LATS2: variants seen among roughly 807,000 people sequenced by gnomAD.
LATS2 encodes the protein large tumor suppressor kinase 2, also known as serine/threonine-protein kinase LATS2.
In LATS2, 24 loss-of-function variants were observed where a neutral mutation model predicts 76.0. That is an observed-to-expected ratio of 0.32 (90% CI 0.23 to 0.44). The LOEUF (loss-of-function observed/expected upper bound fraction) is 0.44. Among genes scored for constraint, LATS2 ranks in the 20% least tolerant of loss-of-function variants. The pLI is 1.00. For synonymous variants in LATS2, 692 were observed against 635.4 expected (o/e 1.09, Z -1.34); for missense variants, 1,286 against 1,481.2 (o/e 0.87, Z 2.16).
At chr13:21,032,989 G>T (rs1326664802) in intron 2 of LATS2, among the ~76,000 whole-genome samples, 1 of 152,150 alleles carries the variant, frequency 6.6e-6, no homozygotes. Context: ...GTGGAGATCA[G>T]ATTGGAAGAG....
At position 21,023,300 on chromosome 13, in the gene LATS2, G is replaced by A. The variant is rs1377686199; in HGVS notation, c.342+22385C>T. Among the ~76,000 whole-genome samples, 5 of 151,002 alleles carry A rather than the reference G, an allele frequency of 3.3e-5. No individual in the cohort carries two copies. In the East Asian group the frequency reaches 7.8e-4, roughly 23 times the overall value. On this transcript the variant is annotated intron_variant, in intron 2 of 7. Transcript: ENST00000382592. ...CTTTTTAGAGATAGGGTCTCACTAC[G>A]TCCCATCCTCCTGCCTCAGTCTCCT... is the stretch of plus-strand genomic sequence containing the variant.
At chr13:21,004,901 G>A (rs144863654) in intron 2 of LATS2, among the ~76,000 whole-genome samples, 3 of 152,308 alleles carry the variant, frequency 2.0e-5, no homozygotes, top group Non-Finnish European at 4.4e-5. Flanking sequence ...AAAATCCACA[G>A]GGGGAGTCAT....
At chr13:21,027,658 T>A (rs1434547318) in intron 2 of LATS2, among the ~76,000 whole-genome samples, 2 of 152,182 alleles carry the variant, frequency 1.3e-5, no homozygotes, top group Non-Finnish European at 2.9e-5. Context: ...TGGTCCAAAG[T>A]CAGGTCTAGC....
intron 2 of LATS2, among the ~76,000 whole-genome samples, chr13:21,023,448 T>C (rs948772663): frequency 6.6e-6 from 1 of 151,488 alleles, no homozygotes; most frequent in African/African-American, 2.4e-5. Context: ...GTGGGTAGAA[T>C]AGAACCCAAC....
At chr13:21,015,934 G>A (rs1215354110) in intron 2 of LATS2, among the ~76,000 whole-genome samples, 3 of 151,528 alleles carry the variant, frequency 2.0e-5, no homozygotes, top group Non-Finnish European at 4.4e-5. Context: ...CCTGACCTCA[G>A]GTGATTTGCC....
chr13:21,050,984 G>A (rs746402291), intron 1 of LATS2, among the ~76,000 whole-genome samples: 3 of 152,338 alleles, frequency 2.0e-5, no homozygotes, highest in African/African-American at 4.8e-5. Context: ...AGGCGTGAAC[G>A]GGACCTCTGA....
In LATS2 at chr13:21,045,755, G is replaced by C. The variant is rs55842804; in HGVS notation, c.272C>G (p.Ser91Trp). The stretch of plus-strand genomic sequence containing the variant: ...CACTTCTGCAGCTGCAGAGGTGCCC[G>C]ATTCATTAGCAAAAGGCAACAAGGA... ...RYSLLPFANE[S>W]GTSAAAEVNR... Residue 91 changes from serine (S) to tryptophan (W), a missense_variant, in exon 2 of 8, where the codon TCG becomes TGG. Coordinates refer to ENST00000382592, the MANE Select transcript of LATS2 (RefSeq NM_014572.3). 20 of 1,614,190 alleles carry C rather than the reference G, an allele frequency of 1.2e-5. No homozygotes were observed. Among genetic ancestry groups the C allele is most frequent in the Non-Finnish European group, 1.7e-5 (20 of 1,180,024 alleles).
At chr13:21,039,848 T>A (rs1872805584) in intron 2 of LATS2, among the ~76,000 whole-genome samples, 1 of 151,996 alleles carries the variant, frequency 6.6e-6, no homozygotes, top group Non-Finnish European at 1.5e-5. Context: ...TGAGGGTGAG[T>A]GGATCCCCTG....
intron 2 of LATS2, among the ~76,000 whole-genome samples, chr13:21,036,252 A>G (rs1284474045): frequency 6.6e-6 from 1 of 151,296 alleles, no homozygotes; most frequent in Non-Finnish European, 1.5e-5. Context: ...GGCTATTATC[A>G]AACTCCTGAC....
intron 4 of LATS2, 146 bp downstream of exon 4, chr13:20,987,735 G>T (rs1870222008): frequency 2.3e-6 from 2 of 870,116 alleles, no homozygotes; most frequent in Admixed American, 2.9e-5. Context: ...TCTCCAAGTT[G>T]TTGGCCCCAG....
rs188211677 is a variant in LATS2, at chr13:21,029,956, T to C, written c.342+15729A>G. On this transcript the variant is annotated intron_variant, in intron 2 of 7. Transcript: ENST00000382592. ...CTGGCCAACATGGTGAAACCCTGTCTCTACTAAAAATACAAAACTTAGCAG... is the reference window on the plus strand; with the variant it reads ...CTGGCCAACATGGTGAAACCCTGTCCCTACTAAAAATACAAAACTTAGCAG... Among the ~76,000 whole-genome samples the C allele has an allele frequency of 4.1e-3, 625 of 151,484 alleles. 4 individuals carry two copies. The highest frequency in any genetic ancestry group is 0.027 in the Middle Eastern group (8 of 292).
At position 20,974,299 on chromosome 13, in the gene LATS2, A is replaced by G. The variant is rs1211609005; in HGVS notation, c.*571T>C. 2 of 224,918 alleles carry G rather than the reference A, an allele frequency of 8.9e-6. No homozygotes were observed. The highest frequency in any genetic ancestry group is 8.8e-6 in the Non-Finnish European group (1 of 113,128). The allele number at this position is 224,918 out of a possible 1,614,324, so 13.9% of individuals were successfully genotyped here. ...CTTCCTATTATACTAGATATGCAAA[A>G]AGCCAAAAAAAGCAGCTTTTAACAT... On this transcript the variant is annotated 3_prime_UTR_variant, in exon 8 of 8. Transcript: ENST00000382592.
In LATS2 at chr13:21,046,202, A is replaced by T. The variant is rs571866248; in HGVS notation, c.-176T>A. 3 of 506,708 alleles carry T rather than the reference A, an allele frequency of 5.9e-6. No individual in the cohort carries two copies. Among genetic ancestry groups the T allele is most frequent in the African/African-American group, 5.7e-5 (3 of 52,436 alleles). The allele number at this position is 506,708 out of a possible 1,614,324, so 31.4% of individuals were successfully genotyped here. Reference sequence around the variant, plus strand: ...TCCTATAGAGAACCTAAAATTTTCCAAAGTCTTCATTTTGAAGATTATCAC... The same window carrying T: ...TCCTATAGAGAACCTAAAATTTTCCTAAGTCTTCATTTTGAAGATTATCAC... On this transcript the variant is annotated 5_prime_UTR_variant, in exon 2 of 8. It introduces an in-frame stop codon into an upstream open reading frame of the 5' UTR. Coordinates refer to ENST00000382592, the MANE Select transcript of LATS2 (RefSeq NM_014572.3).
rs1408761768 is a variant in LATS2, at chr13:21,061,568, T to C, written c.-427A>G. The C allele has an allele frequency of 2.0e-5, 3 of 152,624 alleles. No individual in the cohort carries two copies. The highest frequency in any genetic ancestry group is 1.3e-4 in the Admixed American group (2 of 15,280). The allele number at this position is 152,624 out of a possible 1,614,324, so 9.5% of individuals were successfully genotyped here. A position where few individuals can be genotyped will look rare whatever the true frequency, so the allele number is the denominator to read the frequency against. On this transcript the variant is annotated 5_prime_UTR_variant, in exon 1 of 8. Transcript: ENST00000382592. ...CCCAAGTGGGACATTCGCTACATTG[T>C]TGGCATTCCACGGGCGTCACGTGAC...
rs1565951976 is a variant in LATS2, at chr13:21,007,587, A to ATATATAGT, written c.343-16184_343-16183insACTATATA. Reference sequence around the variant, plus strand: ...TATATATATATATATATATATATATAGTATATATATATATAGTGTGTATAT... The same window carrying ATATATAGT: ...TATATATATATATATATATATATATATATATAGTGTATATATATATATAGTGTGTATAT... On this transcript the variant is annotated intron_variant, in intron 2 of 7. Transcript: ENST00000382592. 2.6e-4 allele frequency among the ~76,000 whole-genome samples: 2 copies of ATATATAGT among 7,750 alleles called. 1 individual carries two copies. Among genetic ancestry groups the ATATATAGT allele is most frequent in the African/African-American group, 2.2e-3 (2 of 926 alleles). 5.1% of individuals were successfully genotyped at this position (7,750 alleles called of 152,430 possible). A position where few individuals can be genotyped will look rare whatever the true frequency, so the allele number is the denominator to read the frequency against.
intron 7 of LATS2, among the ~76,000 whole-genome samples, chr13:20,977,968 T>C (rs1175280881): frequency 6.6e-6 from 1 of 152,080 alleles, no homozygotes; most frequent in Non-Finnish European, 1.5e-5. Context: ...CAGGTTGGAG[T>C]GCAGTGGCGT....
In LATS2 at chr13:20,988,201, T is replaced by G. The variant is rs753286419; in HGVS notation, c.1579A>C (p.Lys527Gln). ...CTGTCCAGGTCGTACTGCTCCGACT[T>G]GCTGCGCAGCAGCAGGTGCTTCGGG... Reference protein sequence around the residue: ...PYPKHLLLRSKSEQYDLDSLC... With the variant: ...PYPKHLLLRSQSEQYDLDSLC... The change falls in exon 4 of 8, where the codon AAG becomes CAG. Residue 527 changes from lysine (K) to glutamine (Q), a missense_variant. Lys to Gln is a moderately conservative substitution (Grantham distance 53). Coordinates refer to ENST00000382592, the MANE Select transcript of LATS2 (RefSeq NM_014572.3). 1.9e-6 allele frequency: 3 copies of G among 1,611,996 alleles called. No homozygotes were observed. In the South Asian group the frequency reaches 3.3e-5, roughly 18 times the overall value.
intron 1 of LATS2, among the ~76,000 whole-genome samples, chr13:21,058,149 C>T (rs1012416357): frequency 2.0e-5 from 3 of 152,210 alleles, no homozygotes; most frequent in South Asian, 2.1e-4. Context: ...CAGAATATTT[C>T]GGTACTTTTT....
intron 2 of LATS2, among the ~76,000 whole-genome samples, chr13:21,036,600 C>A (rs1440066495): frequency 1.3e-5 from 2 of 151,950 alleles, no homozygotes. Flanking sequence ...TGGTGAAACC[C>A]CGTCTCTACT....
Sources: allele counts gnomAD v4.1 joint callset (sites outside exome capture counted in the v4.1 genomes callset), GRCh38; gene constraint gnomAD v4.1.1; transcripts MANE v1.5; gene names NCBI Gene and HGNC (gene_info 2026-07-23, HGNC 2026-07-21).